CTNNAL1: variants seen among roughly 807,000 people sequenced by gnomAD.
CTNNAL1 encodes the protein alpha-catulin.
In CTNNAL1, 69 loss-of-function variants were observed where a neutral mutation model predicts 93.6. The observed-to-expected ratio is 0.74, with a 90% CI of 0.61 to 0.90. CTNNAL1 has a LOEUF of 0.90. Ranked by LOEUF, CTNNAL1 falls within the 40% of genes least tolerant of loss-of-function variation. The probability of loss-of-function intolerance (pLI) is 0.00; values close to 1 mark genes in which losing one functional copy is unlikely to be tolerated. For synonymous variants in CTNNAL1, 286 were observed against 305.4 expected (o/e 0.94, Z 0.66); for missense variants, 836 against 862.0 (o/e 0.97, Z 0.38).
chr9:108,947,051 A>C (rs778965536), intron 15 of CTNNAL1, among the ~76,000 whole-genome samples: 13 of 152,206 alleles, frequency 8.5e-5, no homozygotes, highest in Admixed American at 2.0e-4. Context: ...TCTTAAGCTG[A>C]AATCCCTTTC....
At chr9:108,949,085 T>A (rs1830484234) in intron 14 of CTNNAL1, among the ~76,000 whole-genome samples, 1 of 152,214 alleles carries the variant, frequency 6.6e-6, no homozygotes, top group Non-Finnish European at 1.5e-5. Context: ...TGATTACATG[T>A]AAATCATTAA....
intron 8 of CTNNAL1, 31 bp from the exon 9 acceptor site, chr9:108,972,864 G>GGGCGCCCC: frequency 7.0e-6 from 1 of 142,586 alleles, no homozygotes; most frequent in Non-Finnish European, 1.0e-5. Context: ...GGGGGGGTGG[G>GGGCGCCCC]AGGGTGGAGA....
At chr9:109,002,924 T>C (rs1184225049) in intron 1 of CTNNAL1, among the ~76,000 whole-genome samples, 2 of 150,816 alleles carry the variant, frequency 1.3e-5, no homozygotes, top group African/African-American at 2.4e-5. Flanking sequence ...ATCTGGGAGG[T>C]AGAGATTGCA....
At chr9:108,967,284 T>C (rs1160550325) in intron 10 of CTNNAL1, among the ~76,000 whole-genome samples, 1 of 152,202 alleles carries the variant, frequency 6.6e-6, no homozygotes, top group Non-Finnish European at 1.5e-5. Flanking sequence ...CTATAAATTA[T>C]GATAACTGCT....
rs187365375 is a variant in CTNNAL1, at chr9:109,003,682, G to A, written c.142-4426C>T. On this transcript the variant is annotated intron_variant, in intron 1 of 18. Transcript: ENST00000325551. ...TTTCTATTTTCTCATTTTTTGAACA[G>A]AAGAGTCTATAGTAGTCATCCTAAA... 1.2e-4 allele frequency among the ~76,000 whole-genome samples: 19 copies of A among 152,218 alleles called. No individual in the cohort carries two copies. In the East Asian group the frequency reaches 3.5e-3, roughly 28 times the overall value.
At chr9:108,955,400 T>A (rs1222664443) in intron 12 of CTNNAL1, among the ~76,000 whole-genome samples, 2 of 152,186 alleles carry the variant, frequency 1.3e-5, no homozygotes, top group African/African-American at 4.8e-5. Context: ...TTCATCTAGG[T>A]AGAAAGCATA....
At chr9:109,001,377 T>A (rs577861300) in intron 1 of CTNNAL1, among the ~76,000 whole-genome samples, 1 of 152,262 alleles carries the variant, frequency 6.6e-6, no homozygotes, top group Non-Finnish European at 1.5e-5. Flanking sequence ...ATAATCTCTG[T>A]AGTGGTTTTA....
intron 11 of CTNNAL1, 125 bp from the exon 12 acceptor site, chr9:108,955,952 CTATT>C (rs1303877519): frequency 1.3e-5 from 7 of 549,850 alleles, no homozygotes; most frequent in Non-Finnish European, 2.1e-5. Flanking sequence ...TGATAACAGT[CTATT>C]CATTACATAA....
At chr9:109,004,798 T>A (rs189033352) in intron 1 of CTNNAL1, among the ~76,000 whole-genome samples, 2,640 of 151,422 alleles carry the variant, frequency 0.017, 37 homozygotes, top group South Asian at 0.028. Context: ...AAAAAATAAA[T>A]AAATAAATAA....
At chr9:108,977,221 A>T in intron 7 of CTNNAL1, 173 bp from the exon 8 acceptor site, 1 of 375,328 alleles carries the variant, frequency 2.7e-6, no homozygotes, top group Admixed American at 4.6e-5. Flanking sequence ...ATTTCAGTTT[A>T]GTTATATTTT....
In CTNNAL1 at chr9:109,000,232, C is replaced by T. The variant is rs188896229; in HGVS notation, c.142-976G>A. ...TTTCCTCAACTACAATATTGCTTTT[C>T]ATCAAATTTTGAATATCTACTATAT... On this transcript the variant is annotated intron_variant, in intron 1 of 18. Transcript: ENST00000325551. 6.6e-5 allele frequency among the ~76,000 whole-genome samples: 10 copies of T among 152,292 alleles called. No individual in the cohort carries two copies. In the East Asian group the frequency reaches 9.6e-4, roughly 15 times the overall value.
At chr9:108,958,136 G>A (rs997169554) in intron 11 of CTNNAL1, among the ~76,000 whole-genome samples, 3 of 145,746 alleles carry the variant, frequency 2.1e-5, no homozygotes, top group Non-Finnish European at 3.0e-5. Flanking sequence ...AAAGAATTTT[G>A]AATTTTGAAA....
chr9:108,979,216 T>C (rs1831350238), intron 7 of CTNNAL1, 65 bp downstream of exon 7: 1 of 1,582,900 alleles, frequency 6.3e-7, no homozygotes, highest in Non-Finnish European at 8.6e-7. Context: ...AACTTCCATA[T>C]CTTGCAAAAC....
rs935235240 is a variant in CTNNAL1, at chr9:108,958,539, T to C, written c.1592-2712A>G. On this transcript the variant is annotated intron_variant, in intron 11 of 18. Coordinates refer to ENST00000325551, the MANE Select transcript of CTNNAL1 (RefSeq NM_003798.4). Reference sequence around the variant, plus strand: ...TACGAATTTGAGGATAATTGCAAAATTGATCATTTTTTCAGATAGGCCTCC... The same window carrying C: ...TACGAATTTGAGGATAATTGCAAAACTGATCATTTTTTCAGATAGGCCTCC... Among the ~76,000 whole-genome samples the C allele has an allele frequency of 2.6e-5, 4 of 152,074 alleles. No homozygotes were observed. The South Asian group carries it at 6.2e-4, about 24-fold the overall frequency.
At chr9:108,992,036 T>G (rs1831826928) in intron 3 of CTNNAL1, 1 of 764,258 alleles carries the variant, frequency 1.3e-6, no homozygotes, top group Admixed American at 1.7e-5. Flanking sequence ...TCCACTGATT[T>G]AACTGTGTCT....
chr9:108,944,635 A>C (rs1830347474), intron 15 of CTNNAL1, among the ~76,000 whole-genome samples: 1 of 152,212 alleles, frequency 6.6e-6, no homozygotes, highest in South Asian at 2.1e-4. Flanking sequence ...AGTATTTAGC[A>C]TATTATGTTA....
chr9:108,968,864 G>A (rs1831030916), intron 10 of CTNNAL1, among the ~76,000 whole-genome samples: 1 of 151,906 alleles, frequency 6.6e-6, no homozygotes, highest in South Asian at 2.1e-4. Context: ...GAATCCTTTT[G>A]GCTGACAGTA....
chr9:108,970,391 T>C lies in CTNNAL1; in HGVS notation c.1440+11A>G, dbSNP rs1164167842. The C allele has an allele frequency of 1.9e-6, 3 of 1,605,812 alleles. No individual in the cohort carries two copies. The East Asian group carries it at 6.8e-5, about 36-fold the overall frequency. ...ACACAATACAGAAGGAGCAATCTGC[T>C]ATTATCATACCTGTTGGCCAGTCAC... On this transcript the variant is annotated intron_variant, in intron 10 of 18. Coordinates refer to ENST00000325551, the MANE Select transcript of CTNNAL1 (RefSeq NM_003798.4).
At chr9:109,001,269 A>G (rs1053037240) in intron 1 of CTNNAL1, among the ~76,000 whole-genome samples, 4 of 152,102 alleles carry the variant, frequency 2.6e-5, no homozygotes, top group African/African-American at 9.6e-5. Context: ...TAAACTCTGT[A>G]GTAATTTGAA....
Sources: gnomAD v4.1 joint callset for allele counts (sites outside exome capture counted in the v4.1 genomes callset) on GRCh38, gnomAD v4.1.1 for gene constraint, MANE v1.5 for transcripts, NCBI Gene and HGNC (gene_info 2026-07-23, HGNC 2026-07-21) for gene names.